Variants in SPIDR observed in about 807,000 individuals in gnomAD.
SPIDR encodes scaffold protein involved in DNA repair.
A neutral mutation model predicts 104.6 loss-of-function variants in SPIDR; 93 were observed. That is an observed-to-expected ratio of 0.89 (90% CI 0.75 to 1.06). The LOEUF (loss-of-function observed/expected upper bound fraction) is 1.06. Ranked by LOEUF, SPIDR falls within the 50% of genes least tolerant of loss-of-function variation. The pLI, the probability that SPIDR is intolerant of heterozygous loss-of-function variation, is 0.00. For missense variants in SPIDR, 1,154 were observed against 1,111.2 expected (o/e 1.04, Z -0.55); for synonymous variants, 431 against 416.9 (o/e 1.03, Z -0.41).
chr8:47,723,507 G>A (rs755552753), intron 16 of SPIDR, among the ~76,000 whole-genome samples: 1 of 147,412 alleles, frequency 6.8e-6, no homozygotes, highest in Non-Finnish European at 1.5e-5. Flanking sequence ...TCAAGTCACT[G>A]CAAGCTCCGC....
At chr8:47,616,842 T>C (rs1388026444) in intron 10 of SPIDR, among the ~76,000 whole-genome samples, 1 of 152,244 alleles carries the variant, frequency 6.6e-6, no homozygotes, top group Non-Finnish European at 1.5e-5. Context: ...GTTCATACTT[T>C]ATTTAAATCT....
rs147989526 is a variant in SPIDR at position 47,367,261 on chromosome 8, G to A, written c.526-29115G>A. 2.0e-4 allele frequency among the ~76,000 whole-genome samples: 30 copies of A among 152,292 alleles called. No homozygotes were observed. The East Asian group carries it at 5.8e-3, about 29-fold the overall frequency. On this transcript the variant is annotated intron_variant, in intron 5 of 19. Coordinates refer to ENST00000297423, the MANE Select transcript of SPIDR (RefSeq NM_001080394.4). The stretch of plus-strand genomic sequence containing the variant: ...AGCCCAGAGCAAACCCCAGTTGATA[G>A]CCAACAAGGAAACAGGGACCTCAGT...
Position 47,673,883 on chromosome 8 carries a change from G to A in SPIDR, c.1627G>A (p.Glu543Lys). 1 of 1,614,196 alleles carries A rather than the reference G, an allele frequency of 6.2e-7. No individual in the cohort carries two copies. Among genetic ancestry groups the A allele is most frequent in the Non-Finnish European group, 8.5e-7 (1 of 1,180,030 alleles). ...EFTMSKARQL[E>K]GKSCSLVGMK... The stretch of plus-strand genomic sequence containing the variant: ...CACCATGTCGAAGGCAAGACAGTTG[G>A]AAGGGAAGTCTTGCAGCCTGGTGGG... The change falls in exon 11 of 20, where the codon GAA becomes AAA. Residue 543 changes from glutamate to lysine, a missense_variant. Glu to Lys is a moderately conservative substitution (Grantham distance 56, BLOSUM62 1). Transcript: ENST00000297423.
intron 5 of SPIDR, among the ~76,000 whole-genome samples, chr8:47,378,543 CAG>C (rs1270385779): frequency 5.9e-5 from 9 of 152,202 alleles, no homozygotes; most frequent in African/African-American, 2.2e-4. Flanking sequence ...ATTTTCTAGA[CAG>C]AGCCTGGTAC....
intron 8 of SPIDR, among the ~76,000 whole-genome samples, chr8:47,497,161 C>A (rs2079585567): frequency 1.3e-5 from 2 of 152,030 alleles, no homozygotes; most frequent in Admixed American, 1.3e-4. Flanking sequence ...AAACAACCAT[C>A]TTTTGGTTTC....
chr8:47,322,704 A>G (rs2046920619), intron 5 of SPIDR, among the ~76,000 whole-genome samples: 1 of 152,200 alleles, frequency 6.6e-6, no homozygotes, highest in African/African-American at 2.4e-5. Context: ...TCCAACAATG[A>G]TAGACTGGAT....
chr8:47,430,191 A>G (rs2067113067), intron 7 of SPIDR, among the ~76,000 whole-genome samples: 1 of 152,158 alleles, frequency 6.6e-6, no homozygotes, highest in African/African-American at 2.4e-5. Context: ...TTGTTACTAC[A>G]TTACCTATTT....
intron 5 of SPIDR, among the ~76,000 whole-genome samples, chr8:47,383,672 T>G (rs2059575857): frequency 6.6e-6 from 1 of 152,170 alleles, no homozygotes; most frequent in Admixed American, 6.5e-5. Flanking sequence ...CTGCTGATGG[T>G]TCTGTTGATT....
At chr8:47,355,502 A>G (rs2054368950) in intron 5 of SPIDR, among the ~76,000 whole-genome samples, 5 of 152,200 alleles carry the variant, frequency 3.3e-5, no homozygotes, top group Admixed American at 2.0e-4. Context: ...GTAACGGAGC[A>G]TTTATGTCTG....
At chr8:47,496,812 G>GT (rs1233473270) in intron 8 of SPIDR, among the ~76,000 whole-genome samples, 2 of 131,990 alleles carry the variant, frequency 1.5e-5, no homozygotes, top group African/African-American at 7.2e-5. Flanking sequence ...CTGGGCCTAT[G>GT]TTTGTTTGTT....
chr8:47,511,803 A>C (rs2082370636), intron 8 of SPIDR: 1 of 1,101,522 alleles, frequency 9.1e-7, no homozygotes, highest in Non-Finnish European at 1.4e-6. Context: ...GCTCATTGGA[A>C]CTTTTCTTTC....
chr8:47,431,759 GAAAAGGCA>G (rs1217698976), intron 7 of SPIDR, among the ~76,000 whole-genome samples: 4 of 152,102 alleles, frequency 2.6e-5, no homozygotes, highest in African/African-American at 9.7e-5. Flanking sequence ...TTAAACTGGT[GAAAAGGCA>G]AAAAATGTGG....
chr8:47,671,585 A>AAAATAAATAAATAAAT (rs60133278), intron 10 of SPIDR, among the ~76,000 whole-genome samples: 9,928 of 142,636 alleles, frequency 0.07, 477 homozygotes, highest in African/African-American at 0.13. Flanking sequence ...ACTCCATCTC[A>AAAATAAATAAATAAAT]AAATAAATAA....
intron 2 of SPIDR, 50 bp downstream of exon 2, chr8:47,280,067 G>C: frequency 4.4e-6 from 7 of 1,579,308 alleles, no homozygotes; most frequent in Non-Finnish European, 5.2e-6. Context: ...AGGAAATCCT[G>C]AGTGTTCAGA....
chr8:47,283,478 T>A (rs1267100197), intron 2 of SPIDR, among the ~76,000 whole-genome samples: 1 of 152,184 alleles, frequency 6.6e-6, no homozygotes, highest in Non-Finnish European at 1.5e-5. Context: ...AATCTTGGAA[T>A]AATTATCAAA....
rs869038432 is a variant in SPIDR at position 47,375,233 on chromosome 8, C to CTTTTT, written c.526-21121_526-21117dup. Among the ~76,000 whole-genome samples, 4 of 53,346 alleles carry CTTTTT rather than the reference C, an allele frequency of 7.5e-5. 1 individual carries two copies. Among genetic ancestry groups the CTTTTT allele is most frequent in the Non-Finnish European group, 1.4e-4 (4 of 28,672 alleles). The allele number at this position is 53,346 out of a possible 152,430, so 35.0% of individuals were successfully genotyped here. On this transcript the variant is annotated intron_variant, in intron 5 of 19. Transcript: ENST00000297423. ...ATAGATTGAGTTAAGAGTTAATAGG[C>CTTTTT]TTTTTTTTTTTTTTTTTTTTTTTTT...
At chr8:47,510,877 C>G (rs565356011) in intron 8 of SPIDR, among the ~76,000 whole-genome samples, 2 of 152,186 alleles carry the variant, frequency 1.3e-5, no homozygotes, top group African/African-American at 4.8e-5. Flanking sequence ...AAGGAGAAAA[C>G]AAATGTTCAA....
chr8:47,291,106 T>C lies in SPIDR; in HGVS notation c.330T>C (p.Asp110=). 1.2e-6 allele frequency: 2 copies of C among 1,613,244 alleles called. No homozygotes were observed. Among genetic ancestry groups the C allele is most frequent in the Non-Finnish European group, 1.7e-6 (2 of 1,179,458 alleles). Residue 110 remains aspartate, a synonymous_variant, in exon 4 of 20, where the codon GAT becomes GAC. Coordinates refer to ENST00000297423, the MANE Select transcript of SPIDR (RefSeq NM_001080394.4). ...TWSSSGSDLS[D]EDKTLSQLQR... ...GCTCCAGTGGAAGTGATTTGTCGGA[T>C]GAAGATAAGACACTTTCTCAGTTAC...
At chr8:47,649,574 T>C (rs2071223529) in intron 10 of SPIDR, among the ~76,000 whole-genome samples, 1 of 152,142 alleles carries the variant, frequency 6.6e-6, no homozygotes, top group African/African-American at 2.4e-5. Flanking sequence ...GTAGGAAGAT[T>C]AGGTGGAGGG....
Sources: allele counts gnomAD v4.1 joint callset (sites outside exome capture counted in the v4.1 genomes callset), GRCh38; gene constraint gnomAD v4.1.1; transcripts MANE v1.5; gene names NCBI Gene and HGNC (gene_info 2026-07-23, HGNC 2026-07-21).